Variants in UBE2T observed in about 807,000 individuals in gnomAD.
UBE2T encodes the protein ubiquitin-conjugating enzyme E2 T.
In UBE2T, 15 loss-of-function variants were observed where a neutral mutation model predicts 23.3. The observed-to-expected ratio is 0.64, with a 90% CI of 0.43 to 0.99. The LOEUF is 0.99. Among genes scored for constraint, UBE2T ranks in the 50% least tolerant of loss-of-function variants. UBE2T has a pLI of 0.00. For missense variants in UBE2T, 197 were observed against 234.9 expected (o/e 0.84, Z 1.05); for synonymous variants, 67 against 78.4 (o/e 0.85, Z 0.77).
Position 202,331,669 on chromosome 1 carries a change from G to A in UBE2T, c.*166C>T. ...GATAAACACATACTCAACATTAAATGACTATTTATTTTTCAGGTTTAAAAG... is the reference window on the plus strand; with the variant it reads ...GATAAACACATACTCAACATTAAATAACTATTTATTTTTCAGGTTTAAAAG... On this transcript the variant is annotated 3_prime_UTR_variant, in exon 7 of 7. Transcript: ENST00000646651. 2.4e-6 allele frequency: 2 copies of A among 816,494 alleles called. No homozygotes were observed. The highest frequency in any genetic ancestry group is 1.9e-6 in the Non-Finnish European group (1 of 532,894). The allele number at this position is 816,494 out of a possible 1,614,324, so 50.6% of individuals were successfully genotyped here. A position where few individuals can be genotyped will look rare whatever the true frequency, so the allele number is the denominator to read the frequency against.
chr1:202,333,625 C>A (rs1654817594), intron 3 of UBE2T, 70 bp from the exon 4 acceptor site: 2 of 1,385,116 alleles, frequency 1.4e-6, no homozygotes, highest in South Asian at 2.6e-5. Context: ...TAAATAGTTT[C>A]TTGGTCACAA....
rs116549579 is a variant in UBE2T, at chr1:202,335,788, C to A, written c.-34G>T. On this transcript the variant is annotated 5_prime_UTR_variant, in exon 2 of 7. Coordinates refer to ENST00000646651, the MANE Select transcript of UBE2T (RefSeq NM_014176.4). This position sits in a 1 kb window ranked among gnomAD's most constrained non-coding sequence, Gnocchi z 4.0. ...AGTAGAAGGAACCACACACAGTTCA[C>A]TGCTCCACACTAAGAGCTGCCTGGG... is the stretch of plus-strand genomic sequence containing the variant. The A allele has an allele frequency of 1.3e-3, 1,994 of 1,592,044 alleles. 22 individuals carry two copies. The African/African-American group carries it at 0.024, about 19-fold the overall frequency.
At chr1:202,339,599 C>CA (rs56088102) in intron 1 of UBE2T, among the ~76,000 whole-genome samples, 1,098 of 78,334 alleles carry the variant, frequency 0.014, 32 homozygotes, top group East Asian at 0.085. Flanking sequence ...GACTCTGTCT[C>CA]AAAAAAAAAA....
In UBE2T at chr1:202,335,505, A is replaced by C. The variant is rs995229495; in HGVS notation, c.109+141T>G. 5.3e-6 allele frequency: 4 copies of C among 759,716 alleles called. No homozygotes were observed. The highest frequency in any genetic ancestry group is 8.4e-6 in the Non-Finnish European group (4 of 476,286). 47.1% of individuals were successfully genotyped at this position (759,716 alleles called of 1,614,324 possible). On this transcript the variant is annotated intron_variant, in intron 2 of 6. Coordinates refer to ENST00000646651, the MANE Select transcript of UBE2T (RefSeq NM_014176.4). The surrounding 1 kb of genome is among the most constrained non-coding windows in gnomAD (Gnocchi z 4.0). The stretch of plus-strand genomic sequence containing the variant: ...TGTCAAGCAAACCTTTTATAAATGT[A>C]AACAAATTTGGGTAGAAAGATGGTA...
intron 6 of UBE2T, among the ~76,000 whole-genome samples, chr1:202,332,458 C>A (rs1654772726): frequency 6.6e-6 from 1 of 152,188 alleles, no homozygotes; most frequent in Non-Finnish European, 1.5e-5. Context: ...ATGCTGCCTG[C>A]CGTCTAGTGT....
intron 1 of UBE2T, 46 bp downstream of exon 1, chr1:202,341,849 G>A (rs951647578): frequency 1.3e-5 from 2 of 152,280 alleles, no homozygotes; most frequent in African/African-American, 4.8e-5. Context: ...ACCTTCTCCA[G>A]TGTACCTTCT....
chr1:202,336,209 G>GGT (rs1654879121), intron 1 of UBE2T, among the ~76,000 whole-genome samples: 2 of 102,860 alleles, frequency 1.9e-5, no homozygotes, highest in Admixed American at 1.2e-4. Context: ...AATGCACCCA[G>GGT]CTTTTTTTTT....
At chr1:202,341,354 G>C (rs533812105) in intron 1 of UBE2T, among the ~76,000 whole-genome samples, 13 of 151,570 alleles carry the variant, frequency 8.6e-5, no homozygotes, top group Admixed American at 1.3e-4. Context: ...CGAGGCGGGC[G>C]GATCACGAGG....
rs182278503 is a variant in UBE2T, at chr1:202,335,280, G to A, written c.110-222C>T. Reference sequence around the variant, plus strand: ...GACATATAGAAAATCTAAAGCAGAAGTTGCAAAATGCTGGCCACAAGACCA... The same window carrying A: ...GACATATAGAAAATCTAAAGCAGAAATTGCAAAATGCTGGCCACAAGACCA... On this transcript the variant is annotated intron_variant, in intron 2 of 6. Coordinates refer to ENST00000646651, the MANE Select transcript of UBE2T (RefSeq NM_014176.4). The surrounding 1 kb of genome is among the most constrained non-coding windows in gnomAD (Gnocchi z 4.0). The A allele has an allele frequency of 3.2e-4, 179 of 561,818 alleles. 2 individuals are homozygous for A. Among genetic ancestry groups the A allele is most frequent in the South Asian group, 2.4e-3 (98 of 41,550 alleles). The allele number at this position is 561,818 out of a possible 1,614,324, so 34.8% of individuals were successfully genotyped here.
At chr1:202,338,218 GA>G (rs1654927168) in intron 1 of UBE2T, among the ~76,000 whole-genome samples, 1 of 151,836 alleles carries the variant, frequency 6.6e-6, no homozygotes, top group South Asian at 2.1e-4. Flanking sequence ...AAATCTAATT[GA>G]TTTTTTTTTA....
rs1558100066 is a variant in UBE2T at position 202,332,939 on chromosome 1, A to AAC, written c.468+69_468+70dup. 20 of 239,210 alleles carry AAC rather than the reference A, an allele frequency of 8.4e-5. 2 individuals carry two copies. The highest frequency in any genetic ancestry group is 4.6e-4 in the African/African-American group (17 of 37,344). The allele number at this position is 239,210 out of a possible 1,614,324, so 14.8% of individuals were successfully genotyped here. On this transcript the variant is annotated intron_variant, in intron 6 of 6. Transcript: ENST00000646651. ...AAAAAAAAAAAAAAAAAAAAAAAAA[A>AAC]ACATTATTTATACATATATACTTTA...
chr1:202,338,763 C>T (rs1571474020), intron 1 of UBE2T, among the ~76,000 whole-genome samples: 2 of 152,074 alleles, frequency 1.3e-5, no homozygotes, highest in East Asian at 1.9e-4. Context: ...ATCCCAGCTA[C>T]TCAGGAGGCT....
Position 202,335,581 on chromosome 1 carries a change from G to A in UBE2T, c.109+65C>T. On this transcript the variant is annotated intron_variant, in intron 2 of 6. Transcript: ENST00000646651. The surrounding 1 kb of genome is among the most constrained non-coding windows in gnomAD (Gnocchi z 4.0). ...CTTACTTTAGAAGAATACACAAAATGTTTTATTTCAGCACAATCTTCAATA... is the reference window on the plus strand; with the variant it reads ...CTTACTTTAGAAGAATACACAAAATATTTTATTTCAGCACAATCTTCAATA... The A allele has an allele frequency of 1.3e-6, 2 of 1,503,600 alleles. No individual in the cohort carries two copies. Among genetic ancestry groups the A allele is most frequent in the Admixed American group, 1.7e-5 (1 of 59,288 alleles). 93.1% of individuals were successfully genotyped at this position (1,503,600 alleles called of 1,614,324 possible).
chr1:202,338,322 C>T (rs1468813335), intron 1 of UBE2T, among the ~76,000 whole-genome samples: 1 of 152,020 alleles, frequency 6.6e-6, no homozygotes, highest in Non-Finnish European at 1.5e-5. Flanking sequence ...TGGGTTCAAG[C>T]GATTCTCCTG....
At chr1:202,340,339 C>A (rs538017526) in intron 1 of UBE2T, among the ~76,000 whole-genome samples, 1 of 151,732 alleles carries the variant, frequency 6.6e-6, no homozygotes, top group South Asian at 2.1e-4. Flanking sequence ...CATGAGGAAA[C>A]CCCATCTCTA....
At chr1:202,336,979 T>C (rs1218586730) in intron 1 of UBE2T, among the ~76,000 whole-genome samples, 1 of 152,216 alleles carries the variant, frequency 6.6e-6, no homozygotes, top group Non-Finnish European at 1.5e-5. Context: ...AGTCTCGGTC[T>C]GTTGCCCAGG....
At chr1:202,338,615 A>G (rs547354816) in intron 1 of UBE2T, among the ~76,000 whole-genome samples, 1 of 152,294 alleles carries the variant, frequency 6.6e-6, no homozygotes, top group East Asian at 1.9e-4. Context: ...CACACTGCCA[A>G]TCATGTCATC....
At chr1:202,334,298 T>G (rs1654834332) in intron 3 of UBE2T, among the ~76,000 whole-genome samples, 2 of 152,286 alleles carry the variant, frequency 1.3e-5, no homozygotes, top group Non-Finnish European at 2.9e-5. Context: ...AAATACCACA[T>G]GCTCTCATTT....
At chr1:202,332,098 CAA>C (rs1387170184) in intron 6 of UBE2T, 138 bp from the exon 7 acceptor site, 25 of 1,077,764 alleles carry the variant, frequency 2.3e-5, no homozygotes, top group Non-Finnish European at 3.1e-5. Context: ...GATATTCTCT[CAA>C]AGACATCTTC....
Sources: gnomAD v4.1 joint callset for allele counts (sites outside exome capture counted in the v4.1 genomes callset) on GRCh38, gnomAD v4.1.1 for gene constraint, Gnocchi (gnomAD v3.1) non-coding constraint, MANE v1.5 for transcripts, NCBI Gene and HGNC (gene_info 2026-07-23, HGNC 2026-07-21) for gene names.